Variants in MAPK8 observed in about 807,000 individuals in gnomAD.
The protein encoded by MAPK8 is JUN N-terminal kinase.
MAPK8 carries 13 observed loss-of-function variants against 52.9 expected under a neutral mutation model. The observed-to-expected ratio is 0.25, with a 90% CI of 0.16 to 0.39. The LOEUF is 0.39. Among genes scored for constraint, MAPK8 ranks in the 10% least tolerant of loss-of-function variants. MAPK8 has a pLI of 1.00. For missense variants in MAPK8, 300 were observed against 519.2 expected (o/e 0.58, Z 4.10); for synonymous variants, 191 against 169.8 (o/e 1.12, Z -0.97).
intron 1 of MAPK8, among the ~76,000 whole-genome samples, chr10:48,390,103 G>A (rs2041540577): frequency 6.6e-6 from 1 of 152,080 alleles, no homozygotes; most frequent in Non-Finnish European, 1.5e-5. Flanking sequence ...AAGAGCTGAT[G>A]TTTCAGTTTG....
At chr10:48,413,815 T>TTATATATATATATATATATATATA (rs59042608) in intron 5 of MAPK8, among the ~76,000 whole-genome samples, 1 of 48,412 alleles carries the variant, frequency 2.1e-5, no homozygotes, top group East Asian at 1.2e-3. Flanking sequence ...GCCAGAATTG[T>TTATATATATATATATATATATATA]TATATATATA....
intron 1 of MAPK8, among the ~76,000 whole-genome samples, chr10:48,398,246 A>G (rs2041987264): frequency 1.3e-5 from 2 of 152,218 alleles, no homozygotes; most frequent in South Asian, 2.1e-4. Context: ...TGTATCTAGA[A>G]TGTATAGTCT....
intron 1 of MAPK8, among the ~76,000 whole-genome samples, chr10:48,368,852 C>T (rs986035057): frequency 2.6e-5 from 4 of 152,168 alleles, no homozygotes; most frequent in African/African-American, 2.4e-5. Flanking sequence ...TCTGTTGTAT[C>T]GCATAGTGTC....
intron 1 of MAPK8, among the ~76,000 whole-genome samples, chr10:48,348,787 T>C (rs924900635): frequency 6.6e-6 from 1 of 152,154 alleles, no homozygotes; most frequent in Middle Eastern, 3.2e-3. Flanking sequence ...TTGGTTACTG[T>C]AGCTTTGTAG....
intron 1 of MAPK8, among the ~76,000 whole-genome samples, chr10:48,357,421 GTC>G (rs1847084782): frequency 6.6e-6 from 1 of 152,178 alleles, no homozygotes; most frequent in South Asian, 2.1e-4. Context: ...TTGAGACAGG[GTC>G]TCGCTCTTTT....
intron 11 of MAPK8, among the ~76,000 whole-genome samples, chr10:48,432,719 G>GT (rs2044428845): frequency 6.6e-6 from 1 of 152,176 alleles, no homozygotes. Context: ...AATTTCATGA[G>GT]TTAGAGCATT....
chr10:48,342,503 G>C (rs906888633), intron 1 of MAPK8, among the ~76,000 whole-genome samples: 1 of 152,220 alleles, frequency 6.6e-6, no homozygotes, highest in Non-Finnish European at 1.5e-5. Flanking sequence ...TCAGTGAGCA[G>C]ATTTTAAATA....
intron 6 of MAPK8, among the ~76,000 whole-genome samples, chr10:48,421,969 C>T (rs1267981164): frequency 2.0e-5 from 3 of 151,750 alleles, no homozygotes; most frequent in Non-Finnish European, 4.4e-5. Flanking sequence ...ATAAGTACTT[C>T]CTCCTTTTAA....
At chr10:48,425,055 G>A in intron 7 of MAPK8, 1 of 621,352 alleles carries the variant, frequency 1.6e-6, no homozygotes, top group Non-Finnish European at 2.9e-6. Context: ...TTCAGCAGTA[G>A]TAGTTTTGTA....
chr10:48,386,438 A>G (rs2041315267), intron 1 of MAPK8, among the ~76,000 whole-genome samples: 1 of 152,230 alleles, frequency 6.6e-6, no homozygotes, highest in African/African-American at 2.4e-5. Context: ...CTTACAAAGT[A>G]GATGACCTAT....
At chr10:48,348,077 G>T (rs1030572138) in intron 1 of MAPK8, among the ~76,000 whole-genome samples, 3 of 152,122 alleles carry the variant, frequency 2.0e-5, no homozygotes, top group Admixed American at 2.0e-4. Flanking sequence ...TGACTTTAAT[G>T]TTCGCCATTC....
intron 1 of MAPK8, among the ~76,000 whole-genome samples, chr10:48,398,539 A>G (rs2042003486): frequency 6.6e-6 from 1 of 152,238 alleles, no homozygotes; most frequent in South Asian, 2.1e-4. Flanking sequence ...CAGTTTGACA[A>G]TTTCTTAAAA....
chr10:48,409,737 T>G, intron 3 of MAPK8, 142 bp from the exon 4 acceptor site: 1 of 637,652 alleles, frequency 1.6e-6, no homozygotes, highest in Non-Finnish European at 2.7e-6. Flanking sequence ...ATATATAAAA[T>G]GAAAGCAATT....
chr10:48,398,067 A>G (rs146478442), intron 1 of MAPK8, among the ~76,000 whole-genome samples: 9 of 152,298 alleles, frequency 5.9e-5, no homozygotes, highest in East Asian at 5.8e-4. Flanking sequence ...TAGTTGTACT[A>G]TGGTTTGTCA....
chr10:48,399,912 G>C (rs1385009375), intron 1 of MAPK8, among the ~76,000 whole-genome samples: 2 of 152,210 alleles, frequency 1.3e-5, no homozygotes, highest in African/African-American at 4.8e-5. Context: ...CATATTTGCA[G>C]ATTATCAGAG....
In MAPK8 at chr10:48,420,103, A is replaced by G. The variant is rs531396976; in HGVS notation, c.451-52A>G. 3.4e-5 allele frequency: 47 copies of G among 1,364,716 alleles called. No homozygotes were observed. The South Asian group carries it at 5.3e-4, about 16-fold the overall frequency. The allele number at this position is 1,364,716 out of a possible 1,614,324, so 84.5% of individuals were successfully genotyped here. A position where few individuals can be genotyped will look rare whatever the true frequency, so the allele number is the denominator to read the frequency against. ...ATAGTATAACTTTATTGTGAACTGTAGGATTTTCCTATATATCATGGCAGT... is the reference window on the plus strand; with the variant it reads ...ATAGTATAACTTTATTGTGAACTGTGGGATTTTCCTATATATCATGGCAGT... On this transcript the variant is annotated intron_variant, in intron 5 of 11. Coordinates refer to ENST00000374189, the MANE Select transcript of MAPK8 (RefSeq NM_001323329.2).
Position 48,422,064 on chromosome 10 carries a change from A to G in MAPK8, c.616+1744A>G, listed in dbSNP as rs112821481. ...TTATTTATTTTTGAGATGGAGTCTC[A>G]CTCTGTTGCCCAGGCTGGAGTACAG... On this transcript the variant is annotated intron_variant, in intron 6 of 11. Coordinates refer to ENST00000374189, the MANE Select transcript of MAPK8 (RefSeq NM_001323329.2). Among the ~76,000 whole-genome samples the G allele has an allele frequency of 4.2e-3, 621 of 147,726 alleles. 5 individuals are homozygous for G. The highest frequency in any genetic ancestry group is 0.017 in the East Asian group (84 of 4,942).
intron 1 of MAPK8, among the ~76,000 whole-genome samples, chr10:48,344,053 C>T (rs776891096): frequency 4.6e-5 from 7 of 152,334 alleles, no homozygotes; most frequent in Non-Finnish European, 1.0e-4. Flanking sequence ...GGTGTACCTC[C>T]ACTCTGTCCC....
At chr10:48,385,267 C>G (rs1401975096) in intron 1 of MAPK8, among the ~76,000 whole-genome samples, 1 of 152,078 alleles carries the variant, frequency 6.6e-6, no homozygotes, top group African/African-American at 2.4e-5. Flanking sequence ...TTCCATAGAG[C>G]AAAAGTTTTT....
Sources: gnomAD v4.1 joint callset for allele counts (sites outside exome capture counted in the v4.1 genomes callset) on GRCh38, gnomAD v4.1.1 for gene constraint, MANE v1.5 for transcripts, NCBI Gene and HGNC (gene_info 2026-07-23, HGNC 2026-07-21) for gene names.